The following RANBP2 variants were observed in gnomAD, a reference collection of about 807,000 sequenced individuals.
RANBP2 encodes E3 SUMO-protein ligase RanBP2.
Under a neutral mutation model 303.6 loss-of-function variants are expected in RANBP2, and 57 were observed. That is an observed-to-expected ratio of 0.19 (90% CI 0.15 to 0.23). The LOEUF (loss-of-function observed/expected upper bound fraction) is 0.23. Among genes scored for constraint, RANBP2 ranks in the 10% least tolerant of loss-of-function variants. The probability of loss-of-function intolerance (pLI) is 1.00; values close to 1 mark genes in which losing one functional copy is unlikely to be tolerated. For missense variants in RANBP2, 3,138 were observed against 3,780.8 expected (o/e 0.83, Z 4.46); for synonymous variants, 1,167 against 1,301.5 (o/e 0.90, Z 2.23).
intron 2 of RANBP2, 26 bp downstream of exon 2, chr2:108,729,225 T>G (rs769783915): frequency 6.4e-7 from 1 of 1,557,636 alleles, no homozygotes; most frequent in Non-Finnish European, 8.7e-7. Context: ...AACATGTATT[T>G]TTTTTTTAAA....
At chr2:109,451,348 C>G in the RANBP2 span, among the ~76,000 whole-genome samples, 1 of 152,196 alleles carries the variant, frequency 6.6e-6, no homozygotes, top group African/African-American at 2.4e-5. Flanking sequence ...CAGTCCTACC[C>G]TCTCACTTAA....
the RANBP2 span, among the ~76,000 whole-genome samples, chr2:109,531,175 A>G: frequency 1.3e-5 from 2 of 152,138 alleles, no homozygotes; most frequent in African/African-American, 4.8e-5. Context: ...GGGCCCCTCT[A>G]TTTGGTCTCA....
chr2:109,643,211 A>C, the RANBP2 span, among the ~76,000 whole-genome samples: 2 of 151,924 alleles, frequency 1.3e-5, no homozygotes, highest in African/African-American at 4.8e-5. Context: ...AAAAAAGATC[A>C]TCTCCCAACT....
chr2:109,127,835 G>A, the RANBP2 span: 4 of 152,232 alleles, frequency 2.6e-5, no homozygotes, highest in African/African-American at 9.7e-5. Context: ...CTGACAGAAC[G>A]AGATCCTGTC....
the RANBP2 span, among the ~76,000 whole-genome samples, chr2:109,274,154 A>G: frequency 6.6e-6 from 1 of 152,240 alleles, no homozygotes; most frequent in African/African-American, 2.4e-5. Flanking sequence ...GAAATCTTCT[A>G]GGATCTGGAT....
chr2:109,341,910 G>A, the RANBP2 span, among the ~76,000 whole-genome samples: 1 of 152,162 alleles, frequency 6.6e-6, no homozygotes, highest in South Asian at 2.1e-4. Flanking sequence ...GTTGAAATTT[G>A]GAATATTCTG....
chr2:109,499,841 C>T, the RANBP2 span, among the ~76,000 whole-genome samples: 1 of 152,136 alleles, frequency 6.6e-6, no homozygotes, highest in Admixed American at 6.5e-5. Flanking sequence ...AGGTTTTAAT[C>T]GGCAACATAA....
At chr2:109,377,157 C>T in the RANBP2 span, among the ~76,000 whole-genome samples, 1,715 of 152,312 alleles carry the variant, frequency 0.011, 32 homozygotes, top group African/African-American at 0.039. Flanking sequence ...CATTGATTGT[C>T]TGTTTCTAAT....
intron 6 of RANBP2, among the ~76,000 whole-genome samples, chr2:108,739,356 T>C (rs1324167896): frequency 1.3e-5 from 2 of 152,264 alleles, no homozygotes; most frequent in East Asian, 3.9e-4. Flanking sequence ...TAAGCCAAGA[T>C]TGTGCCACTG....
chr2:109,115,527 T>C, the RANBP2 span, among the ~76,000 whole-genome samples: 1 of 152,192 alleles, frequency 6.6e-6, no homozygotes, highest in African/African-American at 2.4e-5. Context: ...TGTGTGTCTC[T>C]GCACATGAGA....
chr2:109,256,985 T>G, the RANBP2 span, among the ~76,000 whole-genome samples: 1 of 152,236 alleles, frequency 6.6e-6, no homozygotes, highest in Non-Finnish European at 1.5e-5. Flanking sequence ...ATTCCGCCTC[T>G]GCTCTCAGAC....
chr2:108,795,527 A>G, the RANBP2 span, among the ~76,000 whole-genome samples: 3 of 152,252 alleles, frequency 2.0e-5, no homozygotes, highest in Admixed American at 6.5e-5. Context: ...TGTAATGCGC[A>G]GTATCTGTTT....
the RANBP2 span, among the ~76,000 whole-genome samples, chr2:109,365,450 T>C: frequency 1.3e-5 from 2 of 152,192 alleles, no homozygotes; most frequent in Non-Finnish European, 2.9e-5. Flanking sequence ...GGGCAGCAGT[T>C]TGCCCTGTGA....
At chr2:109,063,173 G>A in the RANBP2 span, among the ~76,000 whole-genome samples, 1 of 152,170 alleles carries the variant, frequency 6.6e-6, no homozygotes, top group Non-Finnish European at 1.5e-5. Context: ...TGCCTGTTGG[G>A]TCCCTGGGCT....
At chr2:108,956,548 C>T in the RANBP2 span, among the ~76,000 whole-genome samples, 2 of 152,214 alleles carry the variant, frequency 1.3e-5, no homozygotes, top group Non-Finnish European at 2.9e-5. Context: ...TGAAATCTGG[C>T]AAGGCACAAG....
chr2:109,454,895 G>A, the RANBP2 span, among the ~76,000 whole-genome samples: 2 of 151,760 alleles, frequency 1.3e-5, no homozygotes, highest in Admixed American at 6.6e-5. Context: ...TCACTCTCAC[G>A]ACTTATGGGA....
chr2:108,868,088 T>C, the RANBP2 span, among the ~76,000 whole-genome samples: 1 of 152,326 alleles, frequency 6.6e-6, no homozygotes, highest in South Asian at 2.1e-4. Context: ...CCAAAGAGTG[T>C]GCTAACTTGT....
the RANBP2 span, among the ~76,000 whole-genome samples, chr2:109,439,547 A>C: frequency 6.6e-6 from 1 of 152,198 alleles, no homozygotes; most frequent in Admixed American, 6.5e-5. Context: ...TCTCGAGCCA[A>C]AGTCAGGCAG....
the RANBP2 span, among the ~76,000 whole-genome samples, chr2:109,653,256 G>C: frequency 6.6e-6 from 1 of 152,054 alleles, no homozygotes. Flanking sequence ...TTAGCTGGCC[G>C]TGGTGGTGGG....
Sources: gnomAD v4.1 joint callset for allele counts (sites outside exome capture counted in the v4.1 genomes callset) on GRCh38, gnomAD v4.1.1 for gene constraint, MANE v1.5 for transcripts, NCBI Gene and HGNC (gene_info 2026-07-23, HGNC 2026-07-21) for gene names.